The following SPATS2 variants were observed in gnomAD, a reference collection of about 807,000 sequenced individuals.
The protein encoded by SPATS2 is spermatogenesis associated serine rich 2.
In SPATS2, 38 loss-of-function variants were observed where a neutral mutation model predicts 63.7. That is an observed-to-expected ratio of 0.60 (90% confidence interval 0.46 to 0.78). The LOEUF is 0.78. Ranked by LOEUF, SPATS2 falls within the 30% of genes least tolerant of loss-of-function variation. SPATS2 has a pLI of 0.00. For synonymous variants in SPATS2, 207 were observed against 232.9 expected (o/e 0.89, Z 1.01); for missense variants, 588 against 666.2 (o/e 0.88, Z 1.29).
chr12:49,493,588 A>C (rs1351093117), intron 6 of SPATS2, among the ~76,000 whole-genome samples: 1 of 151,962 alleles, frequency 6.6e-6, no homozygotes, highest in East Asian at 1.9e-4. Context: ...TTTTTATTAG[A>C]GATGGGGTTT....
intron 2 of SPATS2, among the ~76,000 whole-genome samples, chr12:49,458,997 C>CT (rs1945770488): frequency 1.3e-5 from 2 of 152,104 alleles, no homozygotes; most frequent in Non-Finnish European, 2.9e-5. Context: ...CATGATAAAT[C>CT]TAAGTACTGG....
intron 6 of SPATS2, among the ~76,000 whole-genome samples, chr12:49,492,816 C>T (rs1946404793): frequency 6.6e-6 from 1 of 151,906 alleles, no homozygotes; most frequent in Admixed American, 6.6e-5. Flanking sequence ...AAAGATGAGG[C>T]CGGGCACGGT....
At chr12:49,467,337 T>C (rs910974904) in intron 3 of SPATS2, among the ~76,000 whole-genome samples, 19 of 151,844 alleles carry the variant, frequency 1.3e-4, no homozygotes, top group Non-Finnish European at 2.5e-4. Flanking sequence ...GCTGGGATTA[T>C]AGGCGTGAGC....
At chr12:49,381,670 G>A (rs986006802) in intron 2 of SPATS2, among the ~76,000 whole-genome samples, 2 of 152,182 alleles carry the variant, frequency 1.3e-5, no homozygotes, top group African/African-American at 4.8e-5. Flanking sequence ...ATGCCACAAT[G>A]AGAATTTTTT....
chr12:49,447,451 A>G (rs547837747), intron 2 of SPATS2, among the ~76,000 whole-genome samples: 4 of 150,656 alleles, frequency 2.7e-5, no homozygotes, highest in African/African-American at 9.8e-5. Flanking sequence ...GTGAGCCAGG[A>G]TGGTCTCAAT....
At chr12:49,436,589 G>A (rs1289785945) in intron 2 of SPATS2, among the ~76,000 whole-genome samples, 23 of 123,186 alleles carry the variant, frequency 1.9e-4, no homozygotes, top group South Asian at 7.7e-4. Flanking sequence ...CGGACGGGGT[G>A]GCTGGCCGGG....
At chr12:49,373,384 C>T (rs967868022) in intron 2 of SPATS2, among the ~76,000 whole-genome samples, 9 of 152,112 alleles carry the variant, frequency 5.9e-5, no homozygotes, top group East Asian at 3.8e-4. Context: ...TTTCTGGGGG[C>T]CTTATAGGAG....
intron 2 of SPATS2, among the ~76,000 whole-genome samples, chr12:49,450,877 T>G (rs1445586472): frequency 1.1e-4 from 16 of 151,650 alleles, no homozygotes; most frequent in African/African-American, 2.7e-4. Flanking sequence ...TTTTTTGTTT[T>G]TTTTTTCTTG....
chr12:49,397,292 T>C (rs538126388), intron 2 of SPATS2, among the ~76,000 whole-genome samples: 2 of 152,308 alleles, frequency 1.3e-5, no homozygotes, highest in Non-Finnish European at 1.5e-5. Flanking sequence ...CATAGTTTTT[T>C]ATTAGAATGT....
intron 9 of SPATS2, chr12:49,512,929 A>G (rs753946030): frequency 7.8e-7 from 1 of 1,287,678 alleles, no homozygotes; most frequent in South Asian, 1.2e-5. Flanking sequence ...TTTCTTAGCA[A>G]AGTATTGCTA....
chr12:49,421,658 T>C (rs954950422), intron 2 of SPATS2, among the ~76,000 whole-genome samples: 2 of 152,180 alleles, frequency 1.3e-5, no homozygotes, highest in African/African-American at 2.4e-5. Flanking sequence ...ATCTGTGTTA[T>C]CATTTTTGAC....
At position 49,526,391 on chromosome 12, in the gene SPATS2, G is replaced by C; in HGVS notation, c.*136G>C. On this transcript the variant is annotated 3_prime_UTR_variant, in exon 14 of 14. Transcript: ENST00000552918. The stretch of plus-strand genomic sequence containing the variant: ...TTTTTGTGCCATTCTAAGTATTTTT[G>C]GTTTCTTGTCTCCTTATTTCCTCTT... The C allele has an allele frequency of 8.9e-7, 1 of 1,123,344 alleles. No individual in the cohort carries two copies. The allele number at this position is 1,123,344 out of a possible 1,614,324, so 69.6% of individuals were successfully genotyped here. A position where few individuals can be genotyped will look rare whatever the true frequency, so the allele number is the denominator to read the frequency against.
chr12:49,510,950 G>A lies in SPATS2; in HGVS notation c.840-3605G>A, dbSNP rs531532273. 2.0e-5 allele frequency among the ~76,000 whole-genome samples: 3 copies of A among 152,184 alleles called. No individual in the cohort carries two copies. In the East Asian group the frequency reaches 5.8e-4, roughly 29 times the overall value. On this transcript the variant is annotated intron_variant, in intron 9 of 13. Coordinates refer to ENST00000552918, the MANE Select transcript of SPATS2 (RefSeq NM_023071.4). ...TTAGGATAAATTGGGTGGGTGCAGT[G>A]GCTCATGCCTGTAATCCCAGGCAGG... is the stretch of plus-strand genomic sequence containing the variant.
At chr12:49,513,713 A>G (rs1191707240) in intron 9 of SPATS2, among the ~76,000 whole-genome samples, 1 of 152,204 alleles carries the variant, frequency 6.6e-6, no homozygotes, top group Non-Finnish European at 1.5e-5. Flanking sequence ...CTAAAATGTA[A>G]GTGGACTTGG....
chr12:49,454,014 C>T (rs1945673835), intron 2 of SPATS2, among the ~76,000 whole-genome samples: 1 of 151,928 alleles, frequency 6.6e-6, no homozygotes, highest in African/African-American at 2.4e-5. Context: ...AGGCTCCCGC[C>T]ACCATGCCCA....
At chr12:49,420,300 G>A (rs1269234477) in intron 2 of SPATS2, among the ~76,000 whole-genome samples, 1 of 152,132 alleles carries the variant, frequency 6.6e-6, no homozygotes, top group Non-Finnish European at 1.5e-5. Context: ...TTTCATACAA[G>A]TATAAAGTGA....
At chr12:49,521,792 TAAC>T in intron 11 of SPATS2, among the ~76,000 whole-genome samples, 1 of 152,206 alleles carries the variant, frequency 6.6e-6, no homozygotes, top group Non-Finnish European at 1.5e-5. Context: ...GAAGGCTTTG[TAAC>T]AAGAGGTTCG....
intron 2 of SPATS2, among the ~76,000 whole-genome samples, chr12:49,397,833 TAAAAAAAAAAAA>T (rs989085737): frequency 3.6e-5 from 3 of 82,338 alleles, no homozygotes; most frequent in Middle Eastern, 8.3e-3. Context: ...CTTAGCTCTT[TAAAAAAAAAAAA>T]AAAAAAAAAA....
chr12:49,486,265 C>T (rs763807083), intron 4 of SPATS2: 15 of 449,738 alleles, frequency 3.3e-5, no homozygotes, highest in South Asian at 1.1e-4. Context: ...AGTGCAGTGG[C>T]GTGATCTCAG....
Sources: gnomAD v4.1 joint callset for allele counts (sites outside exome capture counted in the v4.1 genomes callset) on GRCh38, gnomAD v4.1.1 for gene constraint, MANE v1.5 for transcripts, NCBI Gene and HGNC (gene_info 2026-07-23, HGNC 2026-07-21) for gene names.